Variants in KCNAB1 observed in about 807,000 individuals in gnomAD.
KCNAB1 encodes the protein voltage-gated potassium channel subunit beta-1.
KCNAB1 carries 35 observed loss-of-function variants against 64.6 expected under a neutral mutation model. That is an observed-to-expected ratio of 0.54 (90% CI 0.41 to 0.72). KCNAB1 has a LOEUF of 0.72. Ranked by LOEUF, KCNAB1 falls within the 30% of genes least tolerant of loss-of-function variation. The pLI, the probability that KCNAB1 is intolerant of heterozygous loss-of-function variation, is 0.00. For missense variants in KCNAB1, 401 were observed against 512.9 expected (o/e 0.78, Z 2.11); for synonymous variants, 177 against 183.8 (o/e 0.96, Z 0.30).
In KCNAB1 at chr3:156,395,333, C is replaced by T. The variant is rs561277236; in HGVS notation, c.276-26283C>T. Among the ~76,000 whole-genome samples the T allele has an allele frequency of 2.6e-3, 387 of 149,484 alleles. 1 individual carries two copies. Among genetic ancestry groups the T allele is most frequent in the Non-Finnish European group, 4.1e-3 (276 of 67,862 alleles). ...GGCCGAGGCGGGCGGATCACGAGGT[C>T]AGGAGATCGAGACCATCCCGGCTAA... is the stretch of plus-strand genomic sequence containing the variant. On this transcript the variant is annotated intron_variant, in intron 1 of 13. Coordinates refer to ENST00000490337, the MANE Select transcript of KCNAB1 (RefSeq NM_172160.3).
At chr3:156,268,280 A>T (rs900435608) in intron 1 of KCNAB1, among the ~76,000 whole-genome samples, 6 of 152,178 alleles carry the variant, frequency 3.9e-5, no homozygotes, top group Admixed American at 3.3e-4. Flanking sequence ...CTCTTGATGG[A>T]CATGTAGGTT....
chr3:156,476,524 C>T (rs144277046), intron 8 of KCNAB1, among the ~76,000 whole-genome samples: 2,185 of 43,258 alleles, frequency 0.051, 41 homozygotes, highest in African/African-American at 0.19. Context: ...TATATATATA[C>T]ACACACACAC....
downstream of KCNAB1, chr3:156,538,637 G>C (rs1391167312): frequency 6.6e-6 from 1 of 152,154 alleles, no homozygotes; most frequent in Non-Finnish European, 1.5e-5. Context: ...TCACTGTAAG[G>C]CTTATGTGTA....
intron 1 of KCNAB1, among the ~76,000 whole-genome samples, chr3:156,380,899 A>T (rs999510838): frequency 5.3e-5 from 8 of 152,158 alleles, no homozygotes; most frequent in African/African-American, 1.9e-4. Flanking sequence ...GAGATGGAAA[A>T]TCTTTCAGAA....
At chr3:156,266,932 T>C (rs1212764186) in intron 1 of KCNAB1, among the ~76,000 whole-genome samples, 1 of 152,182 alleles carries the variant, frequency 6.6e-6, no homozygotes, top group Non-Finnish European at 1.5e-5. Flanking sequence ...CTTCAGAATA[T>C]GTAGACCTAC....
At chr3:156,323,428 C>A (rs571547799) in intron 1 of KCNAB1, among the ~76,000 whole-genome samples, 64 of 152,278 alleles carry the variant, frequency 4.2e-4, no homozygotes, top group African/African-American at 1.5e-3. Flanking sequence ...CCCAGTAGAA[C>A]TCTATGTCAT....
intron 1 of KCNAB1, among the ~76,000 whole-genome samples, chr3:156,407,136 C>A (rs890353459): frequency 6.6e-6 from 1 of 152,200 alleles, no homozygotes; most frequent in East Asian, 1.9e-4. Context: ...TTGCTAGCAA[C>A]CTGGCTCCTA....
intron 1 of KCNAB1, among the ~76,000 whole-genome samples, chr3:156,207,002 G>A (rs988399211): frequency 1.3e-5 from 2 of 152,172 alleles, no homozygotes; most frequent in African/African-American, 4.8e-5. Flanking sequence ...TAGAAATTGA[G>A]GGACTGTAAA....
chr3:156,435,416 A>G (rs962134023), intron 2 of KCNAB1, among the ~76,000 whole-genome samples: 2 of 152,156 alleles, frequency 1.3e-5, no homozygotes, highest in African/African-American at 2.4e-5. Context: ...AAGAATTTAC[A>G]CTGTGTCAGT....
chr3:156,366,734 A>C (rs966831535), intron 1 of KCNAB1, among the ~76,000 whole-genome samples: 1 of 152,216 alleles, frequency 6.6e-6, no homozygotes, highest in Non-Finnish European at 1.5e-5. Context: ...AATAATTTGT[A>C]ATCATTATCC....
chr3:156,457,241 A>G, intron 3 of KCNAB1: 4 of 1,352,404 alleles, frequency 3.0e-6, no homozygotes, highest in Non-Finnish European at 3.8e-6. Context: ...GCCTTCAAGT[A>G]ACCCCTCAGT....
intron 1 of KCNAB1, among the ~76,000 whole-genome samples, chr3:156,304,551 T>C (rs1338141271): frequency 6.6e-6 from 1 of 152,196 alleles, no homozygotes; most frequent in Non-Finnish European, 1.5e-5. Context: ...GACTCAGGAT[T>C]AAAAGGAATG....
chr3:156,536,595 C>T, intron 13 of KCNAB1, 63 bp from the exon 14 acceptor site: 2 of 1,132,136 alleles, frequency 1.8e-6, no homozygotes, highest in South Asian at 1.2e-5. Flanking sequence ...AAATATAGAG[C>T]ACAAAAAACC....
intron 1 of KCNAB1, among the ~76,000 whole-genome samples, chr3:156,187,854 G>A (rs1283736655): frequency 2.6e-5 from 4 of 152,150 alleles, no homozygotes; most frequent in African/African-American, 4.8e-5. Context: ...ATCTGGGTTC[G>A]CTAGCACAGT....
At chr3:156,243,411 A>G (rs1717283307) in intron 1 of KCNAB1, among the ~76,000 whole-genome samples, 1 of 151,804 alleles carries the variant, frequency 6.6e-6, no homozygotes, top group Non-Finnish European at 1.5e-5. Context: ...GTATTTTAGT[A>G]GAGACAGGGT....
chr3:156,346,699 G>A (rs7648434), intron 1 of KCNAB1, among the ~76,000 whole-genome samples: 3,706 of 152,266 alleles, frequency 0.024, 150 homozygotes, highest in African/African-American at 0.084. Context: ...TTCGTAATAA[G>A]TAATCAGTGA....
Position 156,232,900 on chromosome 3 carries a change from A to AT in KCNAB1, c.275+112022dup, listed in dbSNP as rs1244834707. On this transcript the variant is annotated intron_variant, in intron 1 of 13. Transcript: ENST00000490337. ...GAAATAGTAGAGAAAGTTTTCTTTCATTTTTTTTCGCTTCCTTTCTGAATT... is the reference window on the plus strand; with the variant it reads ...GAAATAGTAGAGAAAGTTTTCTTTCATTTTTTTTTCGCTTCCTTTCTGAATT... 4.0e-5 allele frequency among the ~76,000 whole-genome samples: 6 copies of AT among 151,282 alleles called. No homozygotes were observed. In the East Asian group the frequency reaches 7.7e-4, roughly 19 times the overall value.
At chr3:156,149,044 C>G (rs1287417401) in intron 1 of KCNAB1, among the ~76,000 whole-genome samples, 2 of 152,076 alleles carry the variant, frequency 1.3e-5, no homozygotes, top group Non-Finnish European at 2.9e-5. Context: ...TGGCATTGTG[C>G]CTAGAACAAA....
chr3:156,483,013 AG>A (rs1714941792), intron 8 of KCNAB1, among the ~76,000 whole-genome samples: 2 of 152,156 alleles, frequency 1.3e-5, no homozygotes, highest in African/African-American at 4.8e-5. Flanking sequence ...GAGAAGAAAG[AG>A]GGGAAGAGAT....
Sources: allele counts gnomAD v4.1 joint callset (sites outside exome capture counted in the v4.1 genomes callset), GRCh38; gene constraint gnomAD v4.1.1; transcripts MANE v1.5; gene names NCBI Gene and HGNC (gene_info 2026-07-23, HGNC 2026-07-21).